MICAL2: variants seen among roughly 807,000 people sequenced by gnomAD.
MICAL2 encodes the protein microtubule associated monooxygenase, calponin and LIM domain containing 2, also known as [F-actin]-monooxygenase MICAL2.
Under a neutral mutation model 127.3 loss-of-function variants are expected in MICAL2, and 77 were observed. The ratio of observed to expected loss-of-function variants is 0.60; its 90% CI spans 0.50 to 0.73. The LOEUF is 0.73. MICAL2 is among the 30% of genes least tolerant of loss of function. The pLI is 0.00. For synonymous variants in MICAL2, 570 were observed against 551.1 expected (o/e 1.03, Z -0.48); for missense variants, 1,351 against 1,434.4 (o/e 0.94, Z 0.94).
chr11:12,180,351 T>G (rs368597234), intron 3 of MICAL2, among the ~76,000 whole-genome samples: 1 of 92,680 alleles, frequency 1.1e-5, no homozygotes, highest in Non-Finnish European at 2.2e-5. Flanking sequence ...ATGTATATAT[T>G]TTTTTTTTGG....
At chr11:12,174,652 G>A (rs890989638) in intron 3 of MICAL2, among the ~76,000 whole-genome samples, 2 of 151,696 alleles carry the variant, frequency 1.3e-5, no homozygotes, top group African/African-American at 4.9e-5. Flanking sequence ...ACACTGACGT[G>A]CAAGTATCAG....
At position 12,282,924 on chromosome 11, in the gene MICAL2, C is replaced by T. The variant is rs114563136; in HGVS notation, c.254+1825C>T. Among the ~76,000 whole-genome samples the T allele has an allele frequency of 8.5e-3, 1,288 of 152,200 alleles. 24 individuals are homozygous for T. The highest frequency in any genetic ancestry group is 0.03 in the African/African-American group (1,246 of 41,526). On this transcript the variant is annotated intron_variant, in intron 2 of 2. Transcript: ENST00000529028. ...GACTCAGTGATAGCAGTTTTCTTAGCGGGATGGGGTTGTGTTGGGAGACTA... is the reference window on the plus strand; with the variant it reads ...GACTCAGTGATAGCAGTTTTCTTAGTGGGATGGGGTTGTGTTGGGAGACTA...
intron 26 of MICAL2, chr11:12,261,863 G>A: frequency 4.1e-6 from 4 of 985,942 alleles, no homozygotes; most frequent in Non-Finnish European, 4.8e-6. Context: ...GTTCAGCATG[G>A]TGGGAGGAAC....
At chr11:12,116,084 C>G (rs1849996720) in intron 1 of MICAL2, among the ~76,000 whole-genome samples, 1 of 149,992 alleles carries the variant, frequency 6.7e-6, no homozygotes, top group Admixed American at 6.7e-5. Context: ...TCATGCCATT[C>G]TTCTGCCTCT....
chr11:12,209,299 G>A (rs1442728543), intron 5 of MICAL2, among the ~76,000 whole-genome samples, 198 bp from the exon 6 acceptor site: 3 of 152,152 alleles, frequency 2.0e-5, no homozygotes, highest in African/African-American at 7.2e-5. Context: ...ACTTCATCCT[G>A]GATTGAACTG....
intron 2 of MICAL2, among the ~76,000 whole-genome samples, chr11:12,286,742 G>T (rs1048792383): frequency 6.6e-6 from 1 of 152,140 alleles, no homozygotes; most frequent in Non-Finnish European, 1.5e-5. Context: ...GCGTGTCGTG[G>T]TGCATGCCTA....
chr11:12,280,830 C>T, intron 1 of MICAL2: 1 of 397,846 alleles, frequency 2.5e-6, no homozygotes, highest in East Asian at 3.6e-5. Context: ...AGCCCAGGCC[C>T]CCCAGGTGCG....
rs142435803 is a variant in MICAL2 at position 12,221,191 on chromosome 11, C to A, written c.1207-453C>A. Reference sequence around the variant, plus strand: ...TCCTTTCCCAGCTCGGTTTCTCCCTCCCCTCCTCCCATGCTCCATGTTACA... The same window carrying A: ...TCCTTTCCCAGCTCGGTTTCTCCCTACCCTCCTCCCATGCTCCATGTTACA... On this transcript the variant is annotated intron_variant, in intron 9 of 27. Transcript: ENST00000683283. Among the ~76,000 whole-genome samples the A allele has an allele frequency of 1.8e-3, 276 of 152,270 alleles. 2 individuals are homozygous for A. Among genetic ancestry groups the A allele is most frequent in the Non-Finnish European group, 2.9e-3 (200 of 68,010 alleles).
At chr11:12,315,911 GTAAT>G (rs1052345716) in intron 29 of MICAL2, among the ~76,000 whole-genome samples, 2 of 152,006 alleles carry the variant, frequency 1.3e-5, no homozygotes, top group Non-Finnish European at 2.9e-5. Flanking sequence ...TTGGAGCTCT[GTAAT>G]TAATTAATAT....
At chr11:12,308,374 T>C (rs4756829) in intron 29 of MICAL2, among the ~76,000 whole-genome samples, 67,133 of 152,124 alleles carry the variant, frequency 0.44, 17,266 homozygotes, top group Non-Finnish European at 0.57. Context: ...AACTGACACC[T>C]GTTTGGTCTT....
chr11:12,255,936 A>T (rs1460477031), intron 23 of MICAL2, 186 bp downstream of exon 23: 1 of 546,924 alleles, frequency 1.8e-6, no homozygotes, highest in Non-Finnish European at 3.3e-6. Flanking sequence ...TTAAAGACAG[A>T]TCTCACTCAG....
chr11:12,274,765 T>C (rs997048738), upstream of MICAL2: 1 of 152,194 alleles, frequency 6.6e-6, no homozygotes, highest in Non-Finnish European at 1.5e-5. Flanking sequence ...GACTACGTTA[T>C]CTTGGACTTT....
At position 12,245,088 on chromosome 11, in the gene MICAL2, GAAT is replaced by G. The variant is rs551059783; in HGVS notation, c.2784+981_2784+983del. On this transcript the variant is annotated intron_variant, in intron 21 of 27. Transcript: ENST00000683283. ...GTCCTCCTGTTACCTCCTGTGCTGA[GAAT>G]AATACCAGGCTTGGGTGGGAGAGGG... Among the ~76,000 whole-genome samples the G allele has an allele frequency of 2.0e-5, 3 of 152,318 alleles. No homozygotes were observed. In the East Asian group the frequency reaches 5.8e-4, roughly 29 times the overall value.
At chr11:12,189,897 T>C (rs1000691446) in intron 3 of MICAL2, among the ~76,000 whole-genome samples, 1 of 152,222 alleles carries the variant, frequency 6.6e-6, no homozygotes, top group African/African-American at 2.4e-5. Flanking sequence ...GATGCTCTGA[T>C]AGAGAAAACA....
intron 15 of MICAL2, among the ~76,000 whole-genome samples, chr11:12,230,199 G>A (rs115113510): frequency 0.021 from 3,218 of 152,118 alleles, 122 homozygotes; most frequent in African/African-American, 0.074. Flanking sequence ...TTTTTGATTT[G>A]GGGAACCGAA....
chr11:12,359,304 A>C (rs1939175499), downstream of MICAL2, among the ~76,000 whole-genome samples: 1 of 150,030 alleles, frequency 6.7e-6, no homozygotes, highest in Non-Finnish European at 1.5e-5. Context: ...AATGATTTTA[A>C]AGTACTTTTT....
chr11:12,295,863 A>T (rs1863979871), downstream of MICAL2, among the ~76,000 whole-genome samples: 1 of 152,118 alleles, frequency 6.6e-6, no homozygotes, highest in African/African-American at 2.4e-5. Context: ...TTATATATGC[A>T]TATATTTATA....
chr11:12,245,057 T>C (rs549508690), intron 21 of MICAL2, among the ~76,000 whole-genome samples: 5 of 152,308 alleles, frequency 3.3e-5, no homozygotes, highest in African/African-American at 1.2e-4. Flanking sequence ...TTCATGTTTT[T>C]CACTTGTCCT....
intron 15 of MICAL2, among the ~76,000 whole-genome samples, chr11:12,229,838 A>T (rs1857978623): frequency 6.6e-6 from 1 of 152,210 alleles, no homozygotes; most frequent in African/African-American, 2.4e-5. Context: ...AGTCTTCTTC[A>T]GGGTGTGTCC....
Sources: allele counts gnomAD v4.1 joint callset (sites outside exome capture counted in the v4.1 genomes callset), GRCh38; gene constraint gnomAD v4.1.1; transcripts MANE v1.5; gene names NCBI Gene and HGNC (gene_info 2026-07-23, HGNC 2026-07-21).